The following GRAMD2B variants were observed in gnomAD, a reference collection of about 807,000 sequenced individuals.
GRAMD2B encodes the protein GRAM domain containing 2B.
A neutral mutation model predicts 59.2 loss-of-function variants in GRAMD2B; 41 were observed. The ratio of observed to expected loss-of-function variants is 0.69; its 90% confidence interval spans 0.54 to 0.90. The LOEUF (loss-of-function observed/expected upper bound fraction) is 0.90. GRAMD2B is among the 40% of genes least tolerant of loss of function. The probability of loss-of-function intolerance (pLI) is 0.00; values close to 1 mark genes in which losing one functional copy is unlikely to be tolerated. For missense variants in GRAMD2B, 424 were observed against 500.5 expected, an observed-to-expected ratio of 0.85 and a Z score of 1.46; for synonymous variants, 161 against 182.7, an observed-to-expected ratio of 0.88 and a Z score of 0.96.
intron 1 of GRAMD2B, among the ~76,000 whole-genome samples, chr5:126,387,279 A>G (rs1334791217): frequency 6.6e-6 from 1 of 151,904 alleles, no homozygotes; most frequent in Non-Finnish European, 1.5e-5. Context: ...TTCTGAAAAA[A>G]AAAAAGGATT....
intron 8 of GRAMD2B, among the ~76,000 whole-genome samples, chr5:126,481,219 GAA>G (rs754523321): frequency 0.41 from 34,985 of 85,468 alleles, 5,235 homozygotes; most frequent in African/African-American, 0.47. Context: ...AAGAAAGAAA[GAA>G]AGAAAGAAAG....
chr5:126,416,367 T>C (rs898902811), intron 1 of GRAMD2B, among the ~76,000 whole-genome samples: 4 of 152,160 alleles, frequency 2.6e-5, no homozygotes, highest in Admixed American at 6.5e-5. Context: ...AAAAGAGTAA[T>C]TATTCAACAT....
chr5:126,459,217 C>T (rs1393852445), intron 1 of GRAMD2B: 5 of 152,126 alleles, frequency 3.3e-5, no homozygotes, highest in South Asian at 2.1e-4. Flanking sequence ...ATAAATCTAT[C>T]GACAACAAAA....
At chr5:126,411,915 C>T (rs1451430679) in intron 1 of GRAMD2B, among the ~76,000 whole-genome samples, 1 of 150,348 alleles carries the variant, frequency 6.7e-6, no homozygotes, top group Non-Finnish European at 1.5e-5. Context: ...TCAACTTGAA[C>T]ATCATTTGTG....
At chr5:126,382,879 G>C (rs550759680) in intron 1 of GRAMD2B, among the ~76,000 whole-genome samples, 1 of 152,260 alleles carries the variant, frequency 6.6e-6, no homozygotes, top group South Asian at 2.1e-4. Context: ...TTGTCCCACA[G>C]GGCGATTCCT....
intron 1 of GRAMD2B, among the ~76,000 whole-genome samples, chr5:126,431,070 T>TC (rs1216500810): frequency 4.6e-5 from 7 of 152,336 alleles, no homozygotes; most frequent in African/African-American, 1.7e-4. Context: ...TCATCCTGTC[T>TC]CCCACCTTAT....
intron 1 of GRAMD2B, among the ~76,000 whole-genome samples, chr5:126,452,225 G>A (rs1018730686): frequency 6.6e-6 from 1 of 152,160 alleles, no homozygotes; most frequent in Non-Finnish European, 1.5e-5. Flanking sequence ...CACATTTGCT[G>A]TTTCATGGAT....
chr5:126,472,438 A>G, intron 4 of GRAMD2B, 134 bp downstream of exon 4: 2 of 648,964 alleles, frequency 3.1e-6, no homozygotes, highest in Non-Finnish European at 2.8e-6. Context: ...TAACATAACA[A>G]TAACACCAGC....
intron 1 of GRAMD2B, among the ~76,000 whole-genome samples, chr5:126,424,609 T>A (rs953758110): frequency 6.6e-6 from 1 of 152,276 alleles, no homozygotes; most frequent in African/African-American, 2.4e-5. Flanking sequence ...TGTTGAAGTC[T>A]GGGTGTCCCC....
chr5:126,395,310 TAGTC>T (rs1335440383), intron 1 of GRAMD2B, among the ~76,000 whole-genome samples: 1 of 152,220 alleles, frequency 6.6e-6, no homozygotes, highest in African/African-American at 2.4e-5. Context: ...AACCATCTCT[TAGTC>T]AGCATATTTC....
chr5:126,403,797 G>A (rs952381266), intron 1 of GRAMD2B, among the ~76,000 whole-genome samples: 2 of 151,750 alleles, frequency 1.3e-5, no homozygotes, highest in Non-Finnish European at 2.9e-5. Flanking sequence ...CTTTCACAAA[G>A]GTCAGAAAGA....
intron 1 of GRAMD2B, among the ~76,000 whole-genome samples, chr5:126,387,294 C>T (rs993327577): frequency 1.1e-4 from 16 of 151,402 alleles, no homozygotes; most frequent in Non-Finnish European, 2.1e-4. Flanking sequence ...AGGATTATCT[C>T]TTTTTATAAA....
intron 1 of GRAMD2B, among the ~76,000 whole-genome samples, chr5:126,460,898 C>T (rs1767228350): frequency 6.6e-6 from 1 of 152,200 alleles, no homozygotes; most frequent in African/African-American, 2.4e-5. Context: ...ACTTCTAAAC[C>T]TTTGTTGATC....
intron 1 of GRAMD2B, chr5:126,434,033 A>C (rs2149808831): frequency 6.6e-6 from 1 of 152,352 alleles, no homozygotes; most frequent in East Asian, 1.9e-4. Flanking sequence ...GGTGAGTAAG[A>C]ATAGTTTAAA....
intron 1 of GRAMD2B, among the ~76,000 whole-genome samples, chr5:126,408,042 T>C (rs529117740): frequency 6.6e-6 from 1 of 152,010 alleles, no homozygotes; most frequent in Non-Finnish European, 1.5e-5. Flanking sequence ...GTACGATTGA[T>C]CTCATCACCC....
intron 1 of GRAMD2B, among the ~76,000 whole-genome samples, chr5:126,433,161 C>T (rs375115407): frequency 4.6e-5 from 7 of 152,304 alleles, no homozygotes; most frequent in African/African-American, 1.7e-4. Flanking sequence ...AAAGCTTAGA[C>T]AAGATGAAGT....
intron 1 of GRAMD2B, among the ~76,000 whole-genome samples, chr5:126,408,227 T>G (rs1269608002): frequency 6.6e-6 from 1 of 152,082 alleles, no homozygotes; most frequent in Non-Finnish European, 1.5e-5. Context: ...CTGTGTTAAT[T>G]CACTTAGGAT....
At chr5:126,464,557 A>G (rs1242994469) in intron 1 of GRAMD2B, among the ~76,000 whole-genome samples, 1 of 152,128 alleles carries the variant, frequency 6.6e-6, no homozygotes, top group African/African-American at 2.4e-5. Context: ...TTCTATGCAC[A>G]AACCTTCTTG....
At chr5:126,393,271 C>T (rs1464546849) in intron 1 of GRAMD2B, among the ~76,000 whole-genome samples, 1 of 152,136 alleles carries the variant, frequency 6.6e-6, no homozygotes, top group South Asian at 2.1e-4. Context: ...TTTCCTTTTA[C>T]AATTTTATTT....
Sources: allele counts gnomAD v4.1 joint callset (sites outside exome capture counted in the v4.1 genomes callset), GRCh38; gene constraint gnomAD v4.1.1; transcripts MANE v1.5; gene names NCBI Gene and HGNC (gene_info 2026-07-23, HGNC 2026-07-21).